CLIP1: variants seen among roughly 807,000 people sequenced by gnomAD.
CLIP1 encodes the protein CAP-Gly domain-containing linker protein 1.
A neutral mutation model predicts 161.6 loss-of-function variants in CLIP1; 66 were observed. The observed-to-expected ratio is 0.41, with a 90% CI of 0.33 to 0.50. CLIP1 has a LOEUF of 0.50. Ranked by LOEUF, CLIP1 falls within the 20% of genes least tolerant of loss-of-function variation. The pLI, the probability that CLIP1 is intolerant of heterozygous loss-of-function variation, is 0.27. For missense variants in CLIP1, 1,376 were observed against 1,702.0 expected (o/e 0.81, Z 3.37); for synonymous variants, 598 against 626.2 (o/e 0.96, Z 0.67).
chr12:122,271,576 T>C lies in CLIP1; in HGVS notation c.*1299A>G, dbSNP rs1477799299. The C allele has an allele frequency of 1.3e-5, 2 of 152,694 alleles. No individual in the cohort carries two copies. Among genetic ancestry groups the C allele is most frequent in the African/African-American group, 4.8e-5 (2 of 41,470 alleles). The allele number at this position is 152,694 out of a possible 1,614,324, so 9.5% of individuals were successfully genotyped here. A position where few individuals can be genotyped will look rare whatever the true frequency, so the allele number is the denominator to read the frequency against. On this transcript the variant is annotated 3_prime_UTR_variant, in exon 26 of 26. Transcript: ENST00000620786. ...AACTGGTACCAGATTGAATATTCAC[T>C]GTCGAACACACAGTTGATAATCTTG...
chr12:122,378,333 C>T (rs151195826), intron 2 of CLIP1, among the ~76,000 whole-genome samples: 4,277 of 152,200 alleles, frequency 0.028, 221 homozygotes, highest in African/African-American at 0.098. Flanking sequence ...GTGAACCTCC[C>T]GCCTCAGCCT....
chr12:122,380,214 G>A (rs376016382), intron 2 of CLIP1, among the ~76,000 whole-genome samples, 154 bp downstream of exon 2: 1 of 151,476 alleles, frequency 6.6e-6, no homozygotes, highest in South Asian at 2.1e-4. Flanking sequence ...CTGCACTCCA[G>A]CCTGGGTGAC....
At chr12:122,349,886 GTTTTTTT>G (rs1566153192) in intron 9 of CLIP1, among the ~76,000 whole-genome samples, 1 of 118,452 alleles carries the variant, frequency 8.4e-6, no homozygotes, top group African/African-American at 3.1e-5. Flanking sequence ...TCAGTCTTGT[GTTTTTTT>G]GTTTTTTTTG....
At chr12:122,362,589 C>G (rs1953906072) in intron 4 of CLIP1, among the ~76,000 whole-genome samples, 1 of 124,248 alleles carries the variant, frequency 8.0e-6, no homozygotes, top group African/African-American at 3.1e-5. Context: ...TGCGGTGAGC[C>G]AAGATTGTGC....
intron 24 of CLIP1, 68 bp downstream of exon 24, chr12:122,278,086 A>G: frequency 6.9e-7 from 1 of 1,450,044 alleles, no homozygotes; most frequent in Non-Finnish European, 9.5e-7. Context: ...TGAGAAGGAA[A>G]ATAAACGAAA....
chr12:122,380,637 G>C, intron 1 of CLIP1, 79 bp from the exon 2 acceptor site: 1 of 420,958 alleles, frequency 2.4e-6, no homozygotes, highest in South Asian at 5.0e-5. Context: ...ATAGACTAAA[G>C]CTTTCCTTTC....
chr12:122,383,252 A>G (rs1300690016), intron 1 of CLIP1, among the ~76,000 whole-genome samples: 5 of 152,226 alleles, frequency 3.3e-5, no homozygotes, highest in African/African-American at 9.6e-5. Context: ...TGACAAAATG[A>G]AAGAACAAAA....
intron 12 of CLIP1, among the ~76,000 whole-genome samples, chr12:122,335,974 G>A (rs546639285): frequency 2.8e-4 from 43 of 152,286 alleles, no homozygotes; most frequent in Non-Finnish European, 5.1e-4. Context: ...TCCATGGCAT[G>A]TGGGTGGGTA....
At chr12:122,347,519 C>T (rs765656576) in intron 9 of CLIP1, 40 bp from the exon 10 acceptor site, 1 of 1,474,760 alleles carries the variant, frequency 6.8e-7, no homozygotes, top group South Asian at 1.1e-5. Flanking sequence ...ACAACAGTGC[C>T]ACCATGACAT....
intron 3 of CLIP1, among the ~76,000 whole-genome samples, chr12:122,375,742 A>G (rs917486871): frequency 6.6e-6 from 1 of 152,204 alleles, no homozygotes; most frequent in Non-Finnish European, 1.5e-5. Flanking sequence ...AGAAGGGGAA[A>G]AAAAATCCAA....
At chr12:122,314,694 C>G (rs1428699837) in intron 19 of CLIP1, among the ~76,000 whole-genome samples, 1 of 152,126 alleles carries the variant, frequency 6.6e-6, no homozygotes, top group African/African-American at 2.4e-5. Flanking sequence ...CCATGGGACA[C>G]AATGCAGGAA....
chr12:122,305,319 T>C (rs1950825439), intron 20 of CLIP1, among the ~76,000 whole-genome samples: 1 of 152,208 alleles, frequency 6.6e-6, no homozygotes, highest in Non-Finnish European at 1.5e-5. Context: ...TAGTCCCAGC[T>C]ACTGGGGAGC....
chr12:122,367,638 G>C (rs545771316), intron 3 of CLIP1, among the ~76,000 whole-genome samples: 1 of 152,340 alleles, frequency 6.6e-6, no homozygotes, highest in East Asian at 1.9e-4. Flanking sequence ...ACAATAAACA[G>C]AAGGCACTAT....
At chr12:122,304,666 T>C (rs1299408222) in intron 20 of CLIP1, among the ~76,000 whole-genome samples, 1 of 152,216 alleles carries the variant, frequency 6.6e-6, no homozygotes, top group Non-Finnish European at 1.5e-5. Flanking sequence ...CAGCCTTGGG[T>C]GCCAATTTAA....
chr12:122,410,082 G>A (rs1330380894), intron 1 of CLIP1, among the ~76,000 whole-genome samples: 1 of 151,762 alleles, frequency 6.6e-6, no homozygotes, highest in Non-Finnish European at 1.5e-5. Flanking sequence ...ATGTTGGCCA[G>A]GCTAGTCTTG....
chr12:122,293,652 A>G (rs1029378251), intron 20 of CLIP1, among the ~76,000 whole-genome samples: 1 of 150,216 alleles, frequency 6.7e-6, no homozygotes, highest in Non-Finnish European at 1.5e-5. Context: ...CTAATTTTCT[A>G]TTTTTAGTAG....
In CLIP1 at chr12:122,288,514, T is replaced by C. The variant is rs1408861832; in HGVS notation, c.3622A>G (p.Asn1208Asp). 6.2e-7 allele frequency: 1 copy of C among 1,608,110 alleles called. No homozygotes were observed. The highest frequency in any genetic ancestry group is 1.7e-5 in the Admixed American group (1 of 59,882). The change falls in exon 21 of 26, where the codon AAT becomes GAT. Residue 1208 changes from asparagine (N) to aspartate (D), a missense_variant. Physicochemically the swap from Asn to Asp is conservative, Grantham distance 23. Around this residue, in one of 6 missense-constraint regions of CLIP1, gnomAD observed 948 missense variants for 1,134.8 expected, o/e 0.84. Transcript: ENST00000620786. Reference sequence around the variant, plus strand: ...CTTTTTTTCATTTCTAACAACTGATTATTGAGCACAGATCTTTCTTCTTCC... The same window carrying C: ...CTTTTTTTCATTTCTAACAACTGATCATTGAGCACAGATCTTTCTTCTTCC... ...KLEEERSVLN[N>D]QLLEMKKRES...
chr12:122,392,184 C>T (rs531014371), intron 1 of CLIP1, among the ~76,000 whole-genome samples: 14 of 152,180 alleles, frequency 9.2e-5, no homozygotes, highest in Middle Eastern at 3.4e-3. Context: ...GGCAGGAGAA[C>T]GGCTTGAGCC....
At chr12:122,345,456 TG>T (rs879943476) in intron 10 of CLIP1, among the ~76,000 whole-genome samples, 1 of 151,950 alleles carries the variant, frequency 6.6e-6, no homozygotes, top group Non-Finnish European at 1.5e-5. Context: ...ACACCATGCC[TG>T]GCCCACTCTT....
Sources: gnomAD v4.1 joint callset for allele counts (sites outside exome capture counted in the v4.1 genomes callset) on GRCh38, gnomAD v4.1.1 for gene constraint, gnomAD v4.1.1 regional missense constraint, MANE v1.5 for transcripts, NCBI Gene and HGNC (gene_info 2026-07-23, HGNC 2026-07-21) for gene names.